The following KLRF2 variants were observed in gnomAD, a reference collection of about 807,000 sequenced individuals.
KLRF2 encodes the protein killer cell lectin-like receptor subfamily F member 2.
In KLRF2, 28 loss-of-function variants were observed where a neutral mutation model predicts 25.3. The observed-to-expected ratio is 1.11, with a 90% CI of 0.82 to 1.52. KLRF2 has a LOEUF of 1.52. KLRF2 is among the 40% of genes most tolerant of loss of function. The pLI, the probability that KLRF2 is intolerant of heterozygous loss-of-function variation, is 0.00. For synonymous variants in KLRF2, 73 were observed against 85.0 expected, an observed-to-expected ratio of 0.86 and a Z score of 0.78; for missense variants, 265 against 245.8, an observed-to-expected ratio of 1.08 and a Z score of -0.52.
rs114504560 is a variant in KLRF2 at position 9,895,728 on chromosome 12, C to T, written c.519C>T (p.Ala173=). The T allele has an allele frequency of 0.032, 49,438 of 1,535,334 alleles. 926 individuals are homozygous for T. Among genetic ancestry groups the T allele is most frequent in the Non-Finnish European group, 0.036 (41,099 of 1,146,514 alleles). ...GACCAACTGATGACAGGAGCTGTGC[C>T]GTTATCACAGGAAACTGGGTGTATT... ...VIGPTDDRSC[A]VITGNWVYSE... The change falls in exon 6 of 6, where the codon GCC becomes GCT. Residue 173 remains alanine, a synonymous_variant. Transcript: ENST00000535540.
At chr12:9,893,227 A>G in intron 4 of KLRF2, 59 bp downstream of exon 4, 1 of 1,449,234 alleles carries the variant, frequency 6.9e-7, no homozygotes, top group Non-Finnish European at 9.3e-7. Flanking sequence ...GTGCAAGTTC[A>G]CTGCCTAAGA....
chr12:9,895,607 A>G (rs1862747484), intron 5 of KLRF2, 82 bp from the exon 6 acceptor site: 1 of 1,322,758 alleles, frequency 7.6e-7, no homozygotes, highest in African/African-American at 1.5e-5. Flanking sequence ...AATTACCTAT[A>G]AAAGTTTGGC....
At chr12:9,883,586 T>TA (rs1448258379) in intron 1 of KLRF2, among the ~76,000 whole-genome samples, 1 of 152,238 alleles carries the variant, frequency 6.6e-6, no homozygotes, top group African/African-American at 2.4e-5. Flanking sequence ...CAGATCCATA[T>TA]ACCCTTGATT....
intron 2 of KLRF2, among the ~76,000 whole-genome samples, chr12:9,886,107 A>G (rs1228764965): frequency 1.3e-5 from 2 of 152,164 alleles, no homozygotes; most frequent in Non-Finnish European, 2.9e-5. Flanking sequence ...GAAAAACGCT[A>G]TTGAGAAGAA....
chr12:9,884,985 T>A lies in KLRF2; in HGVS notation c.122T>A (p.Ile41Asn). 1 of 1,346,994 alleles carries A rather than the reference T, an allele frequency of 7.4e-7. No individual in the cohort carries two copies. The highest frequency in any genetic ancestry group is 9.6e-7 in the Non-Finnish European group (1 of 1,044,120). The allele number at this position is 1,346,994 out of a possible 1,614,324, so 83.4% of individuals were successfully genotyped here. A position where few individuals can be genotyped will look rare whatever the true frequency, so the allele number is the denominator to read the frequency against. ...YYCLLLIFGC[I>N]VILIFIMTGI... ...TGTCTTCTGCTCATATTTGGATGCA[T>A]TGTGATCCTTATATTCATTATGACA... is the stretch of plus-strand genomic sequence containing the variant. The change falls in exon 2 of 6, where the codon ATT (isoleucine) becomes AAT (asparagine). Residue 41 changes from isoleucine (I) to asparagine (N), a missense_variant. By Grantham distance (149) the Ile-to-Asn change is moderately radical. Transcript: ENST00000535540.
chr12:9,890,354 C>T (rs1287819668), intron 3 of KLRF2, among the ~76,000 whole-genome samples: 1 of 152,200 alleles, frequency 6.6e-6, no homozygotes. Context: ...GTCTCACAGG[C>T]AATGCAGTGT....
chr12:9,887,237 G>A lies in KLRF2; in HGVS notation c.170-1496G>A, dbSNP rs192041275. Among the ~76,000 whole-genome samples, 21 of 151,964 alleles carry A rather than the reference G, an allele frequency of 1.4e-4. No individual in the cohort carries two copies. The South Asian group carries it at 3.5e-3, about 26-fold the overall frequency. On this transcript the variant is annotated intron_variant, in intron 2 of 5. Transcript: ENST00000535540. ...CAGCTTACAAGAACCCACTAAGTTC[G>A]GAACAGAATACAAAAACAGATAATA...
At chr12:9,894,632 T>C (rs1160747034) in intron 5 of KLRF2, among the ~76,000 whole-genome samples, 1 of 152,346 alleles carries the variant, frequency 6.6e-6, no homozygotes, top group East Asian at 1.9e-4. Context: ...CAGTTACTAG[T>C]CATACTACCA....
At position 9,895,790 on chromosome 12, in the gene KLRF2, A is replaced by G; in HGVS notation, c.581A>G (p.Gln194Arg). The G allele has an allele frequency of 5.2e-6, 8 of 1,535,584 alleles. No homozygotes were observed. Among genetic ancestry groups the G allele is most frequent in the Non-Finnish European group, 7.0e-6 (8 of 1,146,674 alleles). ...DCSSTFKGIC[Q>R]RDAILTHNGT... ...AGCTCCACATTTAAGGGCATTTGCCAGAGAGATGCGATCTTGACGCACAAT... is the reference window on the plus strand; with the variant it reads ...AGCTCCACATTTAAGGGCATTTGCCGGAGAGATGCGATCTTGACGCACAAT... The change falls in exon 6 of 6, where the codon CAG (glutamine) becomes CGG (arginine). Residue 194 changes from glutamine (Q) to arginine (R), a missense_variant. Coordinates refer to ENST00000535540, the MANE Select transcript of KLRF2 (RefSeq NM_001190765.1).
intron 2 of KLRF2, among the ~76,000 whole-genome samples, chr12:9,887,228 A>C (rs866138083): frequency 1.3e-5 from 2 of 152,180 alleles, no homozygotes; most frequent in Non-Finnish European, 2.9e-5. Context: ...ACAAGAACCC[A>C]CTAAGTTCGG....
At chr12:9,891,671 A>AT (rs1176019762) in intron 3 of KLRF2, among the ~76,000 whole-genome samples, 1 of 151,934 alleles carries the variant, frequency 6.6e-6, no homozygotes, top group Admixed American at 6.6e-5. Flanking sequence ...AATCTTTTCA[A>AT]TTTTTTTTAA....
intron 3 of KLRF2, among the ~76,000 whole-genome samples, chr12:9,892,580 C>CTTTTTTTT (rs66824753): frequency 2.9e-5 from 3 of 104,838 alleles, no homozygotes; most frequent in East Asian, 5.4e-4. Context: ...TACAGAACTG[C>CTTTTTTTT]TTTTTTTTTT....
Position 9,893,118 on chromosome 12 carries a change from T to G in KLRF2, c.316T>G (p.Cys106Gly), listed in dbSNP as rs1166249045. Residue 106 changes from cysteine to glycine, a missense_variant, in exon 4 of 6, where the codon TGT becomes GGT. Transcript: ENST00000535540. ...AACGTGGAAAGAGAGTCAACGTGAT[T>G]GTACACAGCTACAGGCACATTTACT... is the stretch of plus-strand genomic sequence containing the variant. ...FKTWKESQRD[C>G]TQLQAHLLVI... The G allele has an allele frequency of 6.5e-7, 1 of 1,535,812 alleles. No homozygotes were observed. The highest frequency in any genetic ancestry group is 8.7e-7 in the Non-Finnish European group (1 of 1,146,700).
In KLRF2 at chr12:9,881,549, T is replaced by C. The variant is rs1290279558; in HGVS notation, c.-47T>C. On this transcript the variant is annotated 5_prime_UTR_variant, in exon 1 of 6. Transcript: ENST00000535540. The stretch of plus-strand genomic sequence containing the variant: ...TCCAAGGTTGAGATTAGTTTCCATT[T>C]TCTTTGTACTATTTTCTGGATAATA... 7.5e-7 allele frequency: 1 copy of C among 1,341,418 alleles called. No individual in the cohort carries two copies. The highest frequency in any genetic ancestry group is 1.3e-5 in the South Asian group (1 of 78,788). The allele number at this position is 1,341,418 out of a possible 1,614,324, so 83.1% of individuals were successfully genotyped here. A position where few individuals can be genotyped will look rare whatever the true frequency, so the allele number is the denominator to read the frequency against.
rs117460929 is a variant in KLRF2, at chr12:9,892,122, A to G, written c.218-898A>G. 2.5e-3 allele frequency among the ~76,000 whole-genome samples: 380 copies of G among 152,338 alleles called. 2 individuals are homozygous for G. Among genetic ancestry groups the G allele is most frequent in the East Asian group, 0.013 (70 of 5,188 alleles). On this transcript the variant is annotated intron_variant, in intron 3 of 5. Transcript: ENST00000535540. ...GTCCTTTGCTTTAGCAAATGTATCA[A>G]TTATGATATCTATGTGTTGAGTCTT...
intron 3 of KLRF2, 133 bp from the exon 4 acceptor site, chr12:9,892,887 A>G: frequency 1.4e-6 from 1 of 707,948 alleles, no homozygotes; most frequent in South Asian, 2.0e-5. Context: ...CCTGGTCTGA[A>G]CTCCTTTTTA....
chr12:9,883,187 T>C (rs1868112983), intron 1 of KLRF2, among the ~76,000 whole-genome samples: 1 of 152,220 alleles, frequency 6.6e-6, no homozygotes, highest in Admixed American at 6.5e-5. Flanking sequence ...TCACATTGTG[T>C]ATAAGATAAA....
chr12:9,887,375 C>T (rs1259296278), intron 2 of KLRF2, among the ~76,000 whole-genome samples: 1 of 152,086 alleles, frequency 6.6e-6, no homozygotes, highest in East Asian at 1.9e-4. Context: ...AATTAGTTTT[C>T]CCCCAAAGCA....
chr12:9,891,807 C>T (rs1032834460), intron 3 of KLRF2, among the ~76,000 whole-genome samples: 1 of 152,042 alleles, frequency 6.6e-6, no homozygotes, highest in African/African-American at 2.4e-5. Flanking sequence ...TATACTTGCT[C>T]AGGTTACTTT....
Sources: allele counts gnomAD v4.1 joint callset (sites outside exome capture counted in the v4.1 genomes callset), GRCh38; gene constraint gnomAD v4.1.1; transcripts MANE v1.5; gene names NCBI Gene and HGNC (gene_info 2026-07-23, HGNC 2026-07-21).